The following TJP1 variants were observed in gnomAD, a reference collection of about 807,000 sequenced individuals.
TJP1 encodes the protein tight junction protein 1.
A neutral mutation model predicts 194.2 loss-of-function variants in TJP1; 43 were observed. The ratio of observed to expected loss-of-function variants is 0.22; its 90% CI spans 0.17 to 0.29. The LOEUF is 0.29. TJP1 is among the 10% of genes least tolerant of loss of function. The pLI is 1.00. For missense variants in TJP1, 1,971 were observed against 2,185.7 expected (o/e 0.90, Z 1.96); for synonymous variants, 801 against 779.0 (o/e 1.03, Z -0.47).
chr15:29,770,377 G>T (rs2046581760), intron 4 of TJP1, among the ~76,000 whole-genome samples: 1 of 152,016 alleles, frequency 6.6e-6, no homozygotes, highest in African/African-American at 2.4e-5. Context: ...AGGTTGCGGT[G>T]AGCCAAGATC....
chr15:29,938,997 CT>C (rs2152280653), intron 2 of TJP1, among the ~76,000 whole-genome samples: 1 of 152,292 alleles, frequency 6.6e-6, no homozygotes, highest in Non-Finnish European at 1.5e-5. Context: ...CCACTTCTGG[CT>C]GTTGGAAGAT....
intron 2 of TJP1, among the ~76,000 whole-genome samples, chr15:29,911,746 G>C (rs902456428): frequency 2.6e-5 from 4 of 152,172 alleles, no homozygotes; most frequent in Admixed American, 1.3e-4. Context: ...TGGGGAAACA[G>C]AGCCAAACCA....
intron 27 of TJP1, among the ~76,000 whole-genome samples, chr15:29,702,239 TC>T (rs1197283659): frequency 6.6e-6 from 1 of 151,896 alleles, no homozygotes; most frequent in East Asian, 1.9e-4. Flanking sequence ...AAGACTGTCT[TC>T]CCCCTTACAA....
intron 2 of TJP1, among the ~76,000 whole-genome samples, chr15:29,917,780 A>G (rs2054233203): frequency 1.3e-5 from 2 of 152,160 alleles, no homozygotes. Flanking sequence ...CTTGCTCAAG[A>G]GCTTCCAATT....
rs2043244271 is a variant in TJP1 at position 29,726,462 on chromosome 15, A to C, written c.2329T>G (p.Ser777Ala). 1 of 1,614,012 alleles carries C rather than the reference A, an allele frequency of 6.2e-7. No homozygotes were observed. Among genetic ancestry groups the C allele is most frequent in the African/African-American group, 1.3e-5 (1 of 75,036 alleles). Residue 777 changes from serine to alanine, a missense_variant, in exon 18 of 28, where the codon TCA becomes GCA. Around this residue, in one of 5 missense-constraint regions of TJP1, gnomAD observed 402 missense variants for 484.2 expected, o/e 0.83. Transcript: ENST00000614355. ...GCACCATACCAACCATCATTCATTG[A>C]ATTTAAGTTAATTGTAGCTGAAAAT... ...HLFTTTINLN[S>A]MNDGWYGALK...
At chr15:29,945,142 G>T (rs1040923392) in intron 2 of TJP1, among the ~76,000 whole-genome samples, 1 of 152,140 alleles carries the variant, frequency 6.6e-6, no homozygotes, top group East Asian at 1.9e-4. Flanking sequence ...CTCCCCTCTG[G>T]TGTTTCAAGT....
In TJP1 at chr15:29,941,093, C is replaced by T. The variant is rs1283071555; in HGVS notation, c.306+15139G>A. On this transcript the variant is annotated intron_variant, in intron 2 of 28. Transcript: ENST00000356107. The stretch of plus-strand genomic sequence containing the variant: ...GTATTAAAAAAAAATTACATTATCC[C>T]TCCTTTCAAGGTTAGCAAAAATAAA... Among the ~76,000 whole-genome samples, 4 of 152,226 alleles carry T rather than the reference C, an allele frequency of 2.6e-5. No homozygotes were observed. In the East Asian group the frequency reaches 7.7e-4, roughly 29 times the overall value.
intron 2 of TJP1, among the ~76,000 whole-genome samples, chr15:29,878,688 G>A (rs144720773): frequency 1.3e-5 from 2 of 152,192 alleles, no homozygotes; most frequent in Admixed American, 6.5e-5. Flanking sequence ...ATCCAACCAT[G>A]CATGTAAACA....
intron 2 of TJP1, among the ~76,000 whole-genome samples, chr15:29,795,483 C>T (rs1332744961): frequency 6.7e-6 from 1 of 149,484 alleles, no homozygotes; most frequent in Non-Finnish European, 1.5e-5. Context: ...GGAAAAAATA[C>T]ATAACCTGAA....
intron 2 of TJP1, among the ~76,000 whole-genome samples, chr15:29,949,549 C>T (rs2055508747): frequency 7.0e-6 from 1 of 142,176 alleles, no homozygotes; most frequent in African/African-American, 2.6e-5. Context: ...CCACCACCTC[C>T]ACAACCACCA....
At chr15:29,738,181 A>G (rs2044162152) in intron 10 of TJP1, among the ~76,000 whole-genome samples, 1 of 152,244 alleles carries the variant, frequency 6.6e-6, no homozygotes, top group Non-Finnish European at 1.5e-5. Flanking sequence ...GGATAGAAAC[A>G]GACTGTAATT....
At chr15:29,796,704 A>G (rs2048436028) in intron 2 of TJP1, among the ~76,000 whole-genome samples, 1 of 152,236 alleles carries the variant, frequency 6.6e-6, no homozygotes, top group Non-Finnish European at 1.5e-5. Context: ...AGAAAGGCAA[A>G]GGAGCTAGAA....
rs1356538507 is a variant in TJP1, at chr15:29,811,285, G to A, written c.28-10583C>T. On this transcript the variant is annotated intron_variant, in intron 1 of 27. Transcript: ENST00000614355. ...TTAGGATGAGTGTTCGCATGTGTGT[G>A]TAGCGGGGCGGGGGAGAGCGGAGAG... is the stretch of plus-strand genomic sequence containing the variant. Among the ~76,000 whole-genome samples, 6 of 152,168 alleles carry A rather than the reference G, an allele frequency of 3.9e-5. 1 individual carries two copies. The East Asian group carries it at 1.2e-3, about 29-fold the overall frequency.
chr15:29,963,802 C>T (rs990052609), intron 1 of TJP1, among the ~76,000 whole-genome samples: 2 of 152,070 alleles, frequency 1.3e-5, no homozygotes, highest in South Asian at 2.1e-4. Flanking sequence ...TACAGGTACG[C>T]GCCATCACGC....
At chr15:29,871,757 A>G (rs1351818140) in intron 2 of TJP1, among the ~76,000 whole-genome samples, 4 of 152,236 alleles carry the variant, frequency 2.6e-5, no homozygotes, top group African/African-American at 9.6e-5. Context: ...AGAACTGCCC[A>G]CTCACAGAAC....
Position 29,947,009 on chromosome 15 carries a change from T to C in TJP1, c.306+9223A>G, listed in dbSNP as rs1374733315. 2.6e-5 allele frequency among the ~76,000 whole-genome samples: 4 copies of C among 152,232 alleles called. 1 individual carries two copies. Among genetic ancestry groups the C allele is most frequent in the South Asian group, 4.1e-4 (2 of 4,832 alleles). ...ACTAAATCTTTTTGTATTTTAACCA[T>C]TTGGCTGCATTTTTTTGTTGTTCTA... On this transcript the variant is annotated intron_variant, in intron 2 of 28. Transcript: ENST00000356107.
chr15:29,776,655 T>C (rs1389471894), intron 2 of TJP1, among the ~76,000 whole-genome samples: 1 of 152,190 alleles, frequency 6.6e-6, no homozygotes, highest in Non-Finnish European at 1.5e-5. Flanking sequence ...TGTATAATTT[T>C]ACTATAGCAT....
At chr15:29,963,144 A>G (rs2056217966) in intron 1 of TJP1, among the ~76,000 whole-genome samples, 1 of 152,126 alleles carries the variant, frequency 6.6e-6, no homozygotes, top group Non-Finnish European at 1.5e-5. Context: ...TTCGTCTCAA[A>G]AAAAGAAAAA....
intron 8 of TJP1, among the ~76,000 whole-genome samples, chr15:29,758,499 A>G (rs1240172065): frequency 2.0e-5 from 3 of 152,228 alleles, no homozygotes; most frequent in South Asian, 2.1e-4. Flanking sequence ...CTAAATGAAG[A>G]AAGTGGACAT....
Sources: allele counts gnomAD v4.1 joint callset (sites outside exome capture counted in the v4.1 genomes callset), GRCh38; gene constraint gnomAD v4.1.1; regional missense constraint gnomAD v4.1.1; transcripts MANE v1.5; gene names NCBI Gene and HGNC (gene_info 2026-07-23, HGNC 2026-07-21).